SLC22A23: variants seen among roughly 807,000 people sequenced by gnomAD.
The protein encoded by SLC22A23 is solute carrier family 22 member 23.
SLC22A23 carries 26 observed loss-of-function variants against 61.0 expected under a neutral mutation model. That is an observed-to-expected ratio of 0.43 (90% CI 0.31 to 0.59). The LOEUF (loss-of-function observed/expected upper bound fraction) is 0.59. Ranked by LOEUF, SLC22A23 falls within the 20% of genes least tolerant of loss-of-function variation. The pLI, the probability that SLC22A23 is intolerant of heterozygous loss-of-function variation, is 0.11. For missense variants in SLC22A23, 796 were observed against 934.7 expected (o/e 0.85, Z 1.94); for synonymous variants, 430 against 413.9 (o/e 1.04, Z -0.47).
intron 1 of SLC22A23, among the ~76,000 whole-genome samples, chr6:3,430,361 C>G (rs1770779717): frequency 6.6e-6 from 1 of 152,154 alleles, no homozygotes; most frequent in Non-Finnish European, 1.5e-5. Context: ...CCCCCTCCCT[C>G]AGTCACCAAC....
chr6:3,353,954 G>T (rs1764923215), intron 3 of SLC22A23, among the ~76,000 whole-genome samples: 1 of 152,210 alleles, frequency 6.6e-6, no homozygotes. Context: ...CTATGCGTGG[G>T]CTGCTTTACT....
In SLC22A23 at chr6:3,333,034, C is replaced by T. The variant is rs979829877; in HGVS notation, c.914-9032G>A. On this transcript the variant is annotated intron_variant, in intron 3 of 9. Transcript: ENST00000406686. This position sits in a 1 kb window ranked among gnomAD's most constrained non-coding sequence, Gnocchi z 4.1. ...TATCGCAGCTGGTGCCTGTGCGTCA[C>T]GGTGCTGCCCCGCAGGAGGTCACCT... Among the ~76,000 whole-genome samples, 3 of 152,122 alleles carry T rather than the reference C, an allele frequency of 2.0e-5. No homozygotes were observed. The highest frequency in any genetic ancestry group is 1.9e-4 in the East Asian group (1 of 5,192).
intron 9 of SLC22A23, among the ~76,000 whole-genome samples, chr6:3,280,219 C>G (rs578104001): frequency 2.6e-5 from 4 of 152,334 alleles, no homozygotes; most frequent in African/African-American, 9.6e-5. Context: ...CCCCGCCTAA[C>G]AAGGTGCCTG....
At chr6:3,283,694 T>G in intron 9 of SLC22A23, 158 bp downstream of exon 9, 1 of 1,342,738 alleles carries the variant, frequency 7.4e-7, no homozygotes, top group East Asian at 2.8e-5. Flanking sequence ...CGCCTCGGGG[T>G]TGGGTCCAAC....
rs1761223420 is a variant in SLC22A23, at chr6:3,297,582, C to T, written c.1210+509G>A. ...GAGAACCCCCACCTAGCTGTGGTAA[C>T]GCTCCTGACACGCAGGAATTCTATG... On this transcript the variant is annotated intron_variant, in intron 5 of 9. Transcript: ENST00000406686. The surrounding 1 kb of genome is among the most constrained non-coding windows in gnomAD (Gnocchi z 4.3). Among the ~76,000 whole-genome samples, 1 of 152,198 alleles carries T rather than the reference C, an allele frequency of 6.6e-6. No homozygotes were observed. Among genetic ancestry groups the T allele is most frequent in the African/African-American group, 2.4e-5 (1 of 41,442 alleles).
At chr6:3,382,207 C>T (rs935040684) in intron 3 of SLC22A23, among the ~76,000 whole-genome samples, 5 of 152,194 alleles carry the variant, frequency 3.3e-5, no homozygotes, top group African/African-American at 1.2e-4. Flanking sequence ...TATGCACAGC[C>T]AGCCAGGCTC....
chr6:3,335,594 C>T (rs1386505594), intron 3 of SLC22A23, among the ~76,000 whole-genome samples: 1 of 152,194 alleles, frequency 6.6e-6, no homozygotes, highest in Admixed American at 6.5e-5. Context: ...CGACAGGTCA[C>T]ACTGCGTGTA....
Position 3,387,656 on chromosome 6 carries a change from C to T in SLC22A23, c.913+22532G>A, listed in dbSNP as rs1047352741. 6.6e-6 allele frequency among the ~76,000 whole-genome samples: 1 copy of T among 152,214 alleles called. No homozygotes were observed. The highest frequency in any genetic ancestry group is 2.4e-5 in the African/African-American group (1 of 41,456). ...GGAAGGCGGGTGAGTGAAGGGCTTA[C>T]AGAAAATCTCTGTACTGCCTTTGCC... On this transcript the variant is annotated intron_variant, in intron 3 of 9. Transcript: ENST00000406686. This position sits in a 1 kb window ranked among gnomAD's most constrained non-coding sequence, Gnocchi z 5.0.
chr6:3,397,292 C>G (rs990398607), intron 3 of SLC22A23, among the ~76,000 whole-genome samples: 9 of 152,204 alleles, frequency 5.9e-5, no homozygotes, highest in Non-Finnish European at 1.3e-4. Context: ...TTAAATAGTT[C>G]CATAGCACTC....
intron 3 of SLC22A23, among the ~76,000 whole-genome samples, chr6:3,381,506 A>G (rs1766950159): frequency 6.6e-6 from 1 of 152,196 alleles, no homozygotes; most frequent in Non-Finnish European, 1.5e-5. Context: ...AATTAACAAC[A>G]GCCAGGCTTA....
intron 3 of SLC22A23, among the ~76,000 whole-genome samples, chr6:3,395,016 C>T (rs1167508854): frequency 2.6e-5 from 4 of 152,114 alleles, no homozygotes; most frequent in African/African-American, 4.8e-5. Context: ...GCAGGGAGGA[C>T]GGGTCACCAA....
chr6:3,284,686 T>C (rs9503522), intron 8 of SLC22A23, among the ~76,000 whole-genome samples: 120,498 of 152,146 alleles, frequency 0.79, 48,620 homozygotes, highest in Non-Finnish European at 0.87. Flanking sequence ...CTTACATGAG[T>C]CAAAGGGGGA....
At chr6:3,282,316 T>A in intron 9 of SLC22A23, 3 of 702,590 alleles carry the variant, frequency 4.3e-6, no homozygotes, top group Middle Eastern at 2.3e-4. Flanking sequence ...CTCTCCCCTG[T>A]GGCTGATGCA....
chr6:3,281,885 C>T (rs1219937497), intron 9 of SLC22A23, among the ~76,000 whole-genome samples: 1 of 152,170 alleles, frequency 6.6e-6, no homozygotes, highest in Non-Finnish European at 1.5e-5. Context: ...CCAAGGGTCA[C>T]ATATTTTTTC....
chr6:3,302,129 G>A (rs1157048409), intron 4 of SLC22A23, among the ~76,000 whole-genome samples: 1 of 152,158 alleles, frequency 6.6e-6, no homozygotes, highest in East Asian at 1.9e-4. Flanking sequence ...TTATTGGTCT[G>A]TTCAGCCTTT....
intron 3 of SLC22A23, among the ~76,000 whole-genome samples, chr6:3,389,812 T>A (rs1767552228): frequency 6.6e-6 from 1 of 152,228 alleles, no homozygotes; most frequent in Non-Finnish European, 1.5e-5. Context: ...AGCTGGTACG[T>A]GCATTTCAGG....
intron 3 of SLC22A23, among the ~76,000 whole-genome samples, chr6:3,364,937 G>A (rs1208233089): frequency 3.3e-5 from 5 of 152,172 alleles, no homozygotes; most frequent in Admixed American, 6.5e-5. Context: ...GAGGTCCCTG[G>A]AATGATCTGA....
chr6:3,282,823 T>G (rs1031285222), intron 9 of SLC22A23, among the ~76,000 whole-genome samples: 20 of 152,286 alleles, frequency 1.3e-4, no homozygotes, highest in African/African-American at 4.8e-4. Flanking sequence ...TTTATTAACC[T>G]ATAAGCATGG....
intron 3 of SLC22A23, among the ~76,000 whole-genome samples, chr6:3,347,060 T>A (rs1038767513): frequency 3.9e-5 from 6 of 152,198 alleles, no homozygotes; most frequent in Admixed American, 1.3e-4. Flanking sequence ...CGTTTTTTTT[T>A]AAATGGTTAT....
Sources: gnomAD v4.1 joint callset for allele counts (sites outside exome capture counted in the v4.1 genomes callset) on GRCh38, gnomAD v4.1.1 for gene constraint, Gnocchi (gnomAD v3.1) non-coding constraint, MANE v1.5 for transcripts, NCBI Gene and HGNC (gene_info 2026-07-23, HGNC 2026-07-21) for gene names.